Variants in HIVEP3 observed in about 807,000 individuals in gnomAD.
The protein encoded by HIVEP3 is HIVEP zinc finger 3, also known as transcription factor HIVEP3.
HIVEP3 carries 49 observed loss-of-function variants against 152.8 expected under a neutral mutation model. The observed-to-expected ratio is 0.32, with a 90% CI of 0.26 to 0.41. The LOEUF (loss-of-function observed/expected upper bound fraction) is 0.41. HIVEP3 is among the 10% of genes least tolerant of loss of function. HIVEP3 has a pLI of 1.00. For missense variants in HIVEP3, 2,790 were observed against 3,103.3 expected (o/e 0.90, Z 2.40); for synonymous variants, 1,269 against 1,289.0 (o/e 0.98, Z 0.33).
upstream of HIVEP3, among the ~76,000 whole-genome samples, chr1:41,920,451 A>G (rs1264319528): frequency 6.6e-6 from 1 of 152,170 alleles, no homozygotes; most frequent in Non-Finnish European, 1.5e-5. Flanking sequence ...CTATTTTCCC[A>G]GCATGTTTGA....
intron 5 of HIVEP3, among the ~76,000 whole-genome samples, chr1:41,574,106 C>G (rs1644291321): frequency 1.3e-5 from 2 of 152,112 alleles, no homozygotes; most frequent in African/African-American, 4.8e-5. Context: ...CAGACTGCTG[C>G]TGGGGCAAGC....
intron 1 of HIVEP3, among the ~76,000 whole-genome samples, chr1:41,947,976 G>A (rs1245068337): frequency 6.6e-6 from 1 of 152,256 alleles, no homozygotes; most frequent in East Asian, 1.9e-4. Flanking sequence ...TGAAAGGCCA[G>A]TGCCGCGACT....
intron 1 of HIVEP3, among the ~76,000 whole-genome samples, chr1:41,801,569 T>G (rs753997729): frequency 6.6e-6 from 1 of 152,020 alleles, no homozygotes; most frequent in Non-Finnish European, 1.5e-5. Context: ...AGATATCAGT[T>G]CTCCTTATAA....
chr1:41,609,431 G>A (rs751830441), intron 3 of HIVEP3, among the ~76,000 whole-genome samples: 4 of 152,244 alleles, frequency 2.6e-5, no homozygotes, highest in Non-Finnish European at 5.9e-5. Context: ...GCAAGCCTCC[G>A]TGTAGGCACC....
intron 1 of HIVEP3, among the ~76,000 whole-genome samples, chr1:41,796,391 T>C (rs1046697681): frequency 2.0e-5 from 3 of 152,240 alleles, no homozygotes; most frequent in Admixed American, 6.5e-5. Context: ...CAGAGAACTA[T>C]ATGAGGACAA....
At chr1:41,538,296 T>G (rs1432273013) in intron 5 of HIVEP3, among the ~76,000 whole-genome samples, 1 of 152,048 alleles carries the variant, frequency 6.6e-6, no homozygotes, top group Non-Finnish European at 1.5e-5. Context: ...AGAGCCCAGC[T>G]GGACAGAGGC....
intron 1 of HIVEP3, among the ~76,000 whole-genome samples, chr1:41,874,746 T>TACA (rs1475642046): frequency 3.3e-5 from 5 of 152,206 alleles, no homozygotes; most frequent in Non-Finnish European, 7.3e-5. Context: ...TGGCTGATTT[T>TACA]ACAGACAATA....
chr1:41,851,688 C>T (rs1032502201), intron 1 of HIVEP3, among the ~76,000 whole-genome samples: 4 of 152,200 alleles, frequency 2.6e-5, no homozygotes, highest in Non-Finnish European at 5.9e-5. Context: ...AGGAGTTAGA[C>T]TACTGAGCTT....
chr1:41,733,456 T>C (rs1275075947), intron 1 of HIVEP3, among the ~76,000 whole-genome samples: 1 of 152,202 alleles, frequency 6.6e-6, no homozygotes, highest in East Asian at 1.9e-4. Context: ...GAAGGGTCCT[T>C]AGTGGCCATC....
chr1:41,550,215 G>A (rs1286585619), intron 5 of HIVEP3, among the ~76,000 whole-genome samples: 1 of 152,148 alleles, frequency 6.6e-6, no homozygotes, highest in Non-Finnish European at 1.5e-5. Context: ...TGAGGCTTCT[G>A]TTCTGCTCCA....
intron 1 of HIVEP3, among the ~76,000 whole-genome samples, chr1:41,724,328 C>T (rs1646720832): frequency 6.6e-6 from 1 of 152,184 alleles, no homozygotes; most frequent in South Asian, 2.1e-4. Flanking sequence ...GAACAGTTGG[C>T]AAAGCTGGTT....
chr1:41,529,808 ACAAT>A (rs1477291757), intron 5 of HIVEP3, among the ~76,000 whole-genome samples: 10 of 134,914 alleles, frequency 7.4e-5, no homozygotes, highest in African/African-American at 2.6e-4. Context: ...ACATAACCCC[ACAAT>A]CACACACCCC....
At chr1:41,674,534 A>G (rs1052389388) in intron 2 of HIVEP3, among the ~76,000 whole-genome samples, 3 of 151,838 alleles carry the variant, frequency 2.0e-5, no homozygotes, top group African/African-American at 7.3e-5. Context: ...AAGGTGAGAG[A>G]CTCCCAGCTC....
Position 41,818,692 on chromosome 1 carries a change from T to A in HIVEP3, c.-801+99721A>T, listed in dbSNP as rs577598286. On this transcript the variant is annotated intron_variant, in intron 1 of 8. Transcript: ENST00000372583. ...ACCCAGTCAGTAGCAGATGATATTA[T>A]TATTCCCGTCTATAGGAGGAAATAG... Among the ~76,000 whole-genome samples, 4 of 152,282 alleles carry A rather than the reference T, an allele frequency of 2.6e-5. No homozygotes were observed. In the South Asian group the frequency reaches 8.3e-4, roughly 32 times the overall value.
intron 1 of HIVEP3, among the ~76,000 whole-genome samples, chr1:42,013,742 A>G (rs958128493): frequency 6.6e-6 from 1 of 152,380 alleles, no homozygotes; most frequent in Middle Eastern, 3.4e-3. Context: ...GGTGCTGCTC[A>G]GAAGTCTCCA....
chr1:41,966,063 G>A (rs1415940800), intron 1 of HIVEP3, among the ~76,000 whole-genome samples: 1 of 152,144 alleles, frequency 6.6e-6, no homozygotes, highest in Non-Finnish European at 1.5e-5. Flanking sequence ...GAAGAGATTG[G>A]GGGCCAATAT....
chr1:41,523,269 A>T (rs1642811624), intron 6 of HIVEP3, among the ~76,000 whole-genome samples: 1 of 152,188 alleles, frequency 6.6e-6, no homozygotes, highest in African/African-American at 2.4e-5. Context: ...GCAGGGATGG[A>T]AGACACCTTC....
chr1:41,811,448 G>A (rs752958093), intron 1 of HIVEP3, among the ~76,000 whole-genome samples: 1 of 151,870 alleles, frequency 6.6e-6, no homozygotes, highest in South Asian at 2.1e-4. Context: ...CAATAACAAC[G>A]AATGCTTCTT....
At position 41,511,546 on chromosome 1, in the gene HIVEP3, G is replaced by C. The variant is rs1042479497; in HGVS notation, c.6406-280C>G. Among the ~76,000 whole-genome samples, 1 of 152,110 alleles carries C rather than the reference G, an allele frequency of 6.6e-6. No individual in the cohort carries two copies. The highest frequency in any genetic ancestry group is 2.4e-5 in the African/African-American group (1 of 41,406). On this transcript the variant is annotated intron_variant, in intron 8 of 8. Transcript: ENST00000372583. The surrounding 1 kb of genome is among the most constrained non-coding windows in gnomAD (Gnocchi z 4.9). ...CCAGCATATCTGTCTTCAAAGGAGGGGATACTTGAGCGACGTGGGGCCCTG... is the reference window on the plus strand; with the variant it reads ...CCAGCATATCTGTCTTCAAAGGAGGCGATACTTGAGCGACGTGGGGCCCTG...
Sources: allele counts gnomAD v4.1 joint callset (sites outside exome capture counted in the v4.1 genomes callset), GRCh38; gene constraint gnomAD v4.1.1; non-coding constraint Gnocchi (gnomAD v3.1); transcripts MANE v1.5; gene names NCBI Gene and HGNC (gene_info 2026-07-23, HGNC 2026-07-21).